Variants in ATP6V1B1 observed in about 807,000 individuals in gnomAD.
The protein encoded by ATP6V1B1 is V-type proton ATPase subunit B, kidney isoform.
ATP6V1B1 carries 41 observed loss-of-function variants against 62.1 expected under a neutral mutation model. The ratio of observed to expected loss-of-function variants is 0.66; its 90% CI spans 0.51 to 0.86. The LOEUF (loss-of-function observed/expected upper bound fraction) is 0.86. Among genes scored for constraint, ATP6V1B1 ranks in the 40% least tolerant of loss-of-function variants. The probability of loss-of-function intolerance (pLI) is 0.00; values close to 1 mark genes in which losing one functional copy is unlikely to be tolerated. For missense variants in ATP6V1B1, 651 were observed against 697.5 expected (o/e 0.93, Z 0.75); for synonymous variants, 253 against 273.4 (o/e 0.93, Z 0.74).
chr2:70,959,667 C>A lies in ATP6V1B1; in HGVS notation c.446-272C>A, dbSNP rs1553419681. Among the ~76,000 whole-genome samples, 2 of 152,260 alleles carry A rather than the reference C, an allele frequency of 1.3e-5. No individual in the cohort carries two copies. The highest frequency in any genetic ancestry group is 2.1e-4 in the South Asian group (1 of 4,838). On this transcript the variant is annotated intron_variant, in intron 5 of 13. Transcript: ENST00000234396. The surrounding 1 kb of genome is among the most constrained non-coding windows in gnomAD (Gnocchi z 4.2). ...CCACCTGCCTGCCACTTCCAAAGCACAAGGGCAGCTCTGTCCAAGGTAGCA... is the reference window on the plus strand; with the variant it reads ...CCACCTGCCTGCCACTTCCAAAGCAAAAGGGCAGCTCTGTCCAAGGTAGCA...
At chr2:70,946,196 T>C (rs147348893) in intron 2 of ATP6V1B1, among the ~76,000 whole-genome samples, 2 of 152,310 alleles carry the variant, frequency 1.3e-5, no homozygotes, top group East Asian at 3.9e-4. Flanking sequence ...TATGCACCTG[T>C]CAAAACCTGA....
intron 4 of ATP6V1B1, among the ~76,000 whole-genome samples, 190 bp downstream of exon 4, chr2:70,958,616 G>A (rs1235276310): frequency 6.6e-6 from 1 of 152,186 alleles, no homozygotes; most frequent in Non-Finnish European, 1.5e-5. Flanking sequence ...CTGACATACA[G>A]GTGTTCAATA....
intron 2 of ATP6V1B1, among the ~76,000 whole-genome samples, chr2:70,954,611 A>G (rs1332450045): frequency 2.0e-5 from 3 of 151,890 alleles, no homozygotes; most frequent in Non-Finnish European, 4.4e-5. Flanking sequence ...TTTTACCATC[A>G]ATATTTTGTT....
At chr2:70,956,421 A>G (rs1680433299) in intron 2 of ATP6V1B1, among the ~76,000 whole-genome samples, 1 of 152,180 alleles carries the variant, frequency 6.6e-6, no homozygotes, top group Admixed American at 6.5e-5. Context: ...ATGATATTCT[A>G]TTGTATGAAT....
At position 70,959,124 on chromosome 2, in the gene ATP6V1B1, C is replaced by T. The variant is rs782389236; in HGVS notation, c.445+29C>T. The stretch of plus-strand genomic sequence containing the variant: ...AGTGACTGGAGGTTCTGGATGGCTT[C>T]GGGACCCAGCCCTAACACCTTCCCC... On this transcript the variant is annotated intron_variant, in intron 5 of 13. Coordinates refer to ENST00000234396, the MANE Select transcript of ATP6V1B1 (RefSeq NM_001692.4). This position sits in a 1 kb window ranked among gnomAD's most constrained non-coding sequence, Gnocchi z 4.2. The T allele has an allele frequency of 1.2e-5, 20 of 1,609,518 alleles. No individual in the cohort carries two copies. Among genetic ancestry groups the T allele is most frequent in the East Asian group, 6.7e-5 (3 of 44,830 alleles).
At chr2:70,949,913 A>G (rs1680280729) in intron 2 of ATP6V1B1, among the ~76,000 whole-genome samples, 1 of 152,240 alleles carries the variant, frequency 6.6e-6, no homozygotes, top group Non-Finnish European at 1.5e-5. Context: ...GCTTAAAGAC[A>G]TTGCTCATCT....
chr2:70,941,769 G>A (rs996385039), intron 1 of ATP6V1B1: 64 of 985,712 alleles, frequency 6.5e-5, no homozygotes, highest in Non-Finnish European at 7.5e-5. Flanking sequence ...GAAGTGGAGA[G>A]CCAGGCCAAA....
chr2:70,940,368 C>T, intron 1 of ATP6V1B1: 1 of 984,616 alleles, frequency 1.0e-6, no homozygotes, highest in South Asian at 4.7e-5. Flanking sequence ...AGCCCACCCA[C>T]CCTGCATCTT....
In ATP6V1B1 at chr2:70,959,125, G is replaced by A. The variant is rs782663753; in HGVS notation, c.445+30G>A. On this transcript the variant is annotated intron_variant, in intron 5 of 13. Coordinates refer to ENST00000234396, the MANE Select transcript of ATP6V1B1 (RefSeq NM_001692.4). This position sits in a 1 kb window ranked among gnomAD's most constrained non-coding sequence, Gnocchi z 4.2. ...GTGACTGGAGGTTCTGGATGGCTTC[G>A]GGACCCAGCCCTAACACCTTCCCCA... 128 of 1,609,644 alleles carry A rather than the reference G, an allele frequency of 8.0e-5. No homozygotes were observed. The highest frequency in any genetic ancestry group is 1.5e-4 in the Admixed American group (9 of 59,926).
chr2:70,957,777 T>C (rs1354674789), intron 2 of ATP6V1B1: 1 of 484,374 alleles, frequency 2.1e-6, no homozygotes, highest in African/African-American at 2.0e-5. Flanking sequence ...AATGAGTTAC[T>C]GAAATCGTAA....
chr2:70,964,654 G>C, intron 12 of ATP6V1B1, 82 bp from the exon 13 acceptor site: 10 of 1,612,440 alleles, frequency 6.2e-6, no homozygotes, highest in Non-Finnish European at 8.5e-6. Context: ...TTCCGAACGG[G>C]GTCCCAGTGT....
At chr2:70,954,335 A>G (rs1680386719) in intron 2 of ATP6V1B1, among the ~76,000 whole-genome samples, 1 of 152,216 alleles carries the variant, frequency 6.6e-6, no homozygotes, top group Admixed American at 6.5e-5. Context: ...AAATGCTTCT[A>G]TAGCTAGAAT....
chr2:70,950,687 T>C (rs1216078713), intron 2 of ATP6V1B1, among the ~76,000 whole-genome samples: 1 of 152,182 alleles, frequency 6.6e-6, no homozygotes, highest in Non-Finnish European at 1.5e-5. Context: ...ACCTTCTTTC[T>C]AAACCAGAAC....
intron 1 of ATP6V1B1, chr2:70,940,503 A>G: frequency 1.0e-6 from 1 of 985,356 alleles, no homozygotes; most frequent in Non-Finnish European, 1.2e-6. Flanking sequence ...TTGCTTGCAC[A>G]ATCCACTAGC....
In ATP6V1B1 at chr2:70,963,403, A is replaced by G; in HGVS notation, c.1060+91A>G. The G allele has an allele frequency of 6.3e-7, 1 of 1,592,686 alleles. No homozygotes were observed. The highest frequency in any genetic ancestry group is 8.6e-7 in the Non-Finnish European group (1 of 1,161,942). Reference sequence around the variant, plus strand: ...AAAGGGCCCACGTTGCTTTGCACAGATGTGCAGCAGCGCTTTTCCTCCATC... The same window carrying G: ...AAAGGGCCCACGTTGCTTTGCACAGGTGTGCAGCAGCGCTTTTCCTCCATC... On this transcript the variant is annotated intron_variant, in intron 10 of 13. Transcript: ENST00000234396. This position sits in a 1 kb window ranked among gnomAD's most constrained non-coding sequence, Gnocchi z 4.3.
chr2:70,964,762 C>T lies in ATP6V1B1; in HGVS notation c.1275C>T (p.Asp425=), dbSNP rs150773440. The T allele has an allele frequency of 6.2e-7, 1 of 1,614,000 alleles. No individual in the cohort carries two copies. Among genetic ancestry groups the T allele is most frequent in the Non-Finnish European group, 8.5e-7 (1 of 1,180,028 alleles). Residue 425 remains aspartate, a synonymous_variant, in exon 13 of 14, where the codon GAC becomes GAT. Transcript: ENST00000234396. ...ACGCCTGCTATGCCATCGGGAAGGA[C>T]GTGCAGGCCATGAAGGCAGTAGTTG... ...QLYACYAIGK[D]VQAMKAVVGE...
chr2:70,957,450 C>A (rs1680466277), intron 2 of ATP6V1B1, among the ~76,000 whole-genome samples: 1 of 151,528 alleles, frequency 6.6e-6, no homozygotes, highest in South Asian at 2.1e-4. Flanking sequence ...AATCCTTGAT[C>A]CCTGGAAGGA....
intron 1 of ATP6V1B1, chr2:70,943,443 A>G: frequency 1.5e-6 from 1 of 683,888 alleles, no homozygotes; most frequent in South Asian, 1.6e-5. Flanking sequence ...GCCCTCCCCC[A>G]GCCTCCTGCA....
chr2:70,959,177 A>G lies in ATP6V1B1; in HGVS notation c.445+82A>G. ...TCTTGGAAGTTCTGCCCAGACTCAC[A>G]AGCAGATCAGATGTGATGGGAGAGC... On this transcript the variant is annotated intron_variant, in intron 5 of 13. Transcript: ENST00000234396. This position sits in a 1 kb window ranked among gnomAD's most constrained non-coding sequence, Gnocchi z 4.2. 6.8e-7 allele frequency: 1 copy of G among 1,472,012 alleles called. No individual in the cohort carries two copies. The highest frequency in any genetic ancestry group is 9.5e-7 in the Non-Finnish European group (1 of 1,056,122). 91.2% of individuals were successfully genotyped at this position (1,472,012 alleles called of 1,614,324 possible).
Sources: gnomAD v4.1 joint callset for allele counts (sites outside exome capture counted in the v4.1 genomes callset) on GRCh38, gnomAD v4.1.1 for gene constraint, Gnocchi (gnomAD v3.1) non-coding constraint, MANE v1.5 for transcripts, NCBI Gene and HGNC (gene_info 2026-07-23, HGNC 2026-07-21) for gene names.